Variants in DNAH6 observed in about 807,000 individuals in gnomAD.
DNAH6 encodes the protein dynein axonemal heavy chain 6, also known as axonemal beta dynein heavy chain 6.
Under a neutral mutation model 491.4 loss-of-function variants are expected in DNAH6, and 340 were observed. The ratio of observed to expected loss-of-function variants is 0.69; its 90% CI spans 0.63 to 0.76. The LOEUF (loss-of-function observed/expected upper bound fraction) is 0.76. Among genes scored for constraint, DNAH6 ranks in the 30% least tolerant of loss-of-function variants. DNAH6 has a pLI of 0.00. For missense variants in DNAH6, 4,443 were observed against 4,972.2 expected (o/e 0.89, Z 3.20); for synonymous variants, 1,603 against 1,686.1 (o/e 0.95, Z 1.21).
Position 84,613,119 on chromosome 2 carries a change from G to A in DNAH6, c.3475+1265G>A, listed in dbSNP as rs569535669. ...TAAAGCTATGAAGAAAAATAAAGTA[G>A]GGTAAATTGGTGAGAGAGAGAGAGA... On this transcript the variant is annotated intron_variant, in intron 22 of 76. Transcript: ENST00000389394. 4.8e-3 allele frequency among the ~76,000 whole-genome samples: 729 copies of A among 151,860 alleles called. 3 individuals carry two copies. Among genetic ancestry groups the A allele is most frequent in the African/African-American group, 0.017 (684 of 41,368 alleles).
At chr2:84,572,728 A>G (rs1682020664) in intron 11 of DNAH6, among the ~76,000 whole-genome samples, 1 of 152,230 alleles carries the variant, frequency 6.6e-6, no homozygotes, top group South Asian at 2.1e-4. Context: ...TTCCTGGGAC[A>G]AATTGCAGAC....
At chr2:84,526,428 G>A (rs1189088718) in intron 3 of DNAH6, among the ~76,000 whole-genome samples, 1 of 152,098 alleles carries the variant, frequency 6.6e-6, no homozygotes, top group African/African-American at 2.4e-5. Flanking sequence ...GGATTTCAGA[G>A]TCTGGAGGTA....
chr2:84,686,970 A>G (rs1694320218), intron 44 of DNAH6, among the ~76,000 whole-genome samples: 1 of 152,192 alleles, frequency 6.6e-6, no homozygotes, highest in African/African-American at 2.4e-5. Context: ...GGAAGCGGAG[A>G]GGTCTAGTCT....
chr2:84,539,948 G>A (rs1038067245), intron 4 of DNAH6, among the ~76,000 whole-genome samples: 1 of 152,126 alleles, frequency 6.6e-6, no homozygotes, highest in Non-Finnish European at 1.5e-5. Flanking sequence ...AACAGATTGA[G>A]GTTGATAAAT....
chr2:84,521,439 G>T (rs1429466334), intron 2 of DNAH6, among the ~76,000 whole-genome samples: 4 of 152,012 alleles, frequency 2.6e-5, no homozygotes, highest in African/African-American at 4.8e-5. Context: ...TCACTCTGTT[G>T]ATAGTTTCTT....
At chr2:84,766,734 C>T (rs1463825555) in intron 64 of DNAH6, among the ~76,000 whole-genome samples, 1 of 152,126 alleles carries the variant, frequency 6.6e-6, no homozygotes, top group Non-Finnish European at 1.5e-5. Flanking sequence ...GCACTCATGG[C>T]CATTTTTTTC....
At position 84,734,355 on chromosome 2, in the gene DNAH6, T is replaced by A. The variant is rs866954184; in HGVS notation, c.10342+776T>A. On this transcript the variant is annotated intron_variant, in intron 62 of 76. Coordinates refer to ENST00000389394, the MANE Select transcript of DNAH6 (RefSeq NM_001370.2). ...TGGGGTTTCACCGTGTTAGCCAGGATGGTCTCGATCTCCTGACCTCATGAT... is the reference window on the plus strand; with the variant it reads ...TGGGGTTTCACCGTGTTAGCCAGGAAGGTCTCGATCTCCTGACCTCATGAT... 1.2e-4 allele frequency among the ~76,000 whole-genome samples: 19 copies of A among 152,190 alleles called. No homozygotes were observed. The South Asian group carries it at 1.7e-3, about 13-fold the overall frequency.
the DNAH6 span, among the ~76,000 whole-genome samples, chr2:84,510,299 T>G: frequency 6.6e-6 from 1 of 152,206 alleles, no homozygotes; most frequent in Non-Finnish European, 1.5e-5. Flanking sequence ...TCTCTAAACT[T>G]CTCTTCTCGC....
At chr2:84,807,184 GAGA>G (rs57677662) in intron 71 of DNAH6, among the ~76,000 whole-genome samples, 2,521 of 152,308 alleles carry the variant, frequency 0.017, 66 homozygotes, top group African/African-American at 0.058. Flanking sequence ...ATGGTGGAAA[GAGA>G]AGACCAGGGA....
intron 69 of DNAH6, among the ~76,000 whole-genome samples, chr2:84,796,993 C>G (rs1353325016): frequency 6.6e-6 from 1 of 152,070 alleles, no homozygotes; most frequent in African/African-American, 2.4e-5. Context: ...TGAGTGATCC[C>G]CTTGGAAGGA....
the DNAH6 span, among the ~76,000 whole-genome samples, chr2:84,462,938 T>C: frequency 4.6e-5 from 7 of 152,212 alleles, no homozygotes; most frequent in Non-Finnish European, 2.9e-5. Flanking sequence ...CTGAGAGACA[T>C]GCCATCCTCT....
chr2:84,623,369 T>C (rs935965096), intron 26 of DNAH6, among the ~76,000 whole-genome samples: 1 of 152,182 alleles, frequency 6.6e-6, no homozygotes, highest in Non-Finnish European at 1.5e-5. Context: ...GCCGACTCTT[T>C]TGACTCCAAA....
At chr2:84,683,837 C>A (rs995987562) in intron 42 of DNAH6, among the ~76,000 whole-genome samples, 1 of 152,102 alleles carries the variant, frequency 6.6e-6, no homozygotes, top group African/African-American at 2.4e-5. Context: ...CAATGACTGG[C>A]CTCTTTGAAA....
At chr2:84,677,723 T>C (rs944289360) in intron 41 of DNAH6, among the ~76,000 whole-genome samples, 2 of 152,188 alleles carry the variant, frequency 1.3e-5, no homozygotes, top group Non-Finnish European at 2.9e-5. Context: ...AGGCATTATT[T>C]TGAGTAGAAC....
rs575509708 is a variant in DNAH6, at chr2:84,663,425, A to G, written c.6084+4256A>G. 1.2e-4 allele frequency among the ~76,000 whole-genome samples: 19 copies of G among 152,340 alleles called. No homozygotes were observed. In the South Asian group the frequency reaches 3.5e-3, roughly 28 times the overall value. On this transcript the variant is annotated intron_variant, in intron 37 of 76. Transcript: ENST00000389394. ...AAATGACCTGATGGAGCTGAAAACC[A>G]TGGCACGAGAACTACGTGACACATG... is the stretch of plus-strand genomic sequence containing the variant.
At chr2:84,728,029 T>C in intron 61 of DNAH6, 127 bp downstream of exon 61, 1 of 648,682 alleles carries the variant, frequency 1.5e-6, no homozygotes, top group Non-Finnish European at 2.7e-6. Context: ...GATTACTGAA[T>C]CACGGGGGCA....
chr2:84,562,435 C>T (rs938922161), intron 11 of DNAH6, among the ~76,000 whole-genome samples: 1 of 151,900 alleles, frequency 6.6e-6, no homozygotes, highest in Non-Finnish European at 1.5e-5. Context: ...AGAGAGAAAT[C>T]CAAAAGAAAA....
At chr2:84,808,759 T>A (rs1271822069) in intron 72 of DNAH6, among the ~76,000 whole-genome samples, 2 of 152,236 alleles carry the variant, frequency 1.3e-5, no homozygotes, top group Non-Finnish European at 1.5e-5. Flanking sequence ...ACATTACAAA[T>A]TCTCAGTCTC....
At chr2:84,485,985 C>T in the DNAH6 span, among the ~76,000 whole-genome samples, 1 of 151,832 alleles carries the variant, frequency 6.6e-6, no homozygotes, top group African/African-American at 2.4e-5. Context: ...TTGATGTGTC[C>T]CCATGTTCAA....
Sources: gnomAD v4.1 joint callset for allele counts (sites outside exome capture counted in the v4.1 genomes callset) on GRCh38, gnomAD v4.1.1 for gene constraint, MANE v1.5 for transcripts, NCBI Gene and HGNC (gene_info 2026-07-23, HGNC 2026-07-21) for gene names.